WFDC1: variants seen among roughly 807,000 people sequenced by gnomAD.
WFDC1 encodes the protein WAP four-disulfide core domain protein 1.
A neutral mutation model predicts 32.9 loss-of-function variants in WFDC1; 39 were observed. The ratio of observed to expected loss-of-function variants is 1.19; its 90% CI spans 0.92 to 1.55. The LOEUF (loss-of-function observed/expected upper bound fraction) is 1.55. Ranked by LOEUF, WFDC1 falls within the 40% of genes most tolerant of loss-of-function variation. WFDC1 has a pLI of 0.00. For missense variants in WFDC1, 386 were observed against 309.5 expected (o/e 1.25, Z -1.85); for synonymous variants, 184 against 137.4 (o/e 1.34, Z -2.37).
intron 1 of WFDC1, among the ~76,000 whole-genome samples, chr16:84,309,052 G>C (rs960813778): frequency 6.6e-6 from 1 of 152,212 alleles, no homozygotes; most frequent in African/African-American, 2.4e-5. Context: ...TTAAGCCCTA[G>C]AGCCGGGATT....
Position 84,300,406 on chromosome 16 carries a change from G to A in WFDC1, c.144+5291G>A, listed in dbSNP as rs78021155. 1.1e-3 allele frequency among the ~76,000 whole-genome samples: 161 copies of A among 152,350 alleles called. 3 individuals carry two copies. The East Asian group carries it at 0.028, about 26-fold the overall frequency. On this transcript the variant is annotated intron_variant, in intron 1 of 6. Transcript: ENST00000219454. ...ACCTGCTCATTAACACTCCCTGAAG[G>A]GCGCCTTCCCTTTCCTGCCCAGCTT...
intron 1 of WFDC1, among the ~76,000 whole-genome samples, chr16:84,302,827 C>T (rs1029287552): frequency 7.2e-5 from 11 of 152,112 alleles, no homozygotes; most frequent in Non-Finnish European, 1.3e-4. Context: ...TCCCCATTTC[C>T]AGCCCAGCGC....
At chr16:84,305,517 C>T (rs190424444) in intron 1 of WFDC1, among the ~76,000 whole-genome samples, 4 of 152,344 alleles carry the variant, frequency 2.6e-5, no homozygotes, top group African/African-American at 7.2e-5. Context: ...TATCTGCAGC[C>T]TCAGCTGGAC....
intron 4 of WFDC1, 127 bp from the exon 5 acceptor site, chr16:84,324,292 C>T (rs1908461810): frequency 2.5e-6 from 2 of 805,826 alleles, no homozygotes; most frequent in Admixed American, 4.9e-5. Context: ...AGCCTCTGAA[C>T]AATTCCATTG....
At chr16:84,326,193 C>T (rs1008377221) in intron 5 of WFDC1, 1 of 146,966 alleles carries the variant, frequency 6.8e-6, no homozygotes. Flanking sequence ...ATCCATCCAT[C>T]ATTTATCCAT....
Position 84,306,257 on chromosome 16 carries a change from C to T in WFDC1, c.145-6704C>T, listed in dbSNP as rs374738288. Among the ~76,000 whole-genome samples, 10 of 152,160 alleles carry T rather than the reference C, an allele frequency of 6.6e-5. No homozygotes were observed. In the East Asian group the frequency reaches 1.5e-3, roughly 23 times the overall value. ...CAAACCCAGACGCGTCAGACTCCTACACCTGAGCCCTTAATCCCTGTGCAA... is the reference window on the plus strand; with the variant it reads ...CAAACCCAGACGCGTCAGACTCCTATACCTGAGCCCTTAATCCCTGTGCAA... On this transcript the variant is annotated intron_variant, in intron 1 of 6. Coordinates refer to ENST00000219454, the MANE Select transcript of WFDC1 (RefSeq NM_021197.4).
At chr16:84,296,133 G>A (rs1054959821) in intron 1 of WFDC1, among the ~76,000 whole-genome samples, 4 of 152,272 alleles carry the variant, frequency 2.6e-5, no homozygotes, top group African/African-American at 4.8e-5. Context: ...GAGCCAGGAC[G>A]ATATCAGCAC....
chr16:84,329,619 T>C lies in WFDC1; in HGVS notation c.*313T>C, dbSNP rs1908805938. 1 of 152,168 alleles carries C rather than the reference T, an allele frequency of 6.6e-6. No individual in the cohort carries two copies. The highest frequency in any genetic ancestry group is 1.5e-5 in the Non-Finnish European group (1 of 68,034). The allele number at this position is 152,168 out of a possible 1,614,324, so 9.4% of individuals were successfully genotyped here. ...TGAAAGCATTTCTGAAGCCCCTTTC[T>C]AAGACAAGGCTCAGCATCTTGATAT... On this transcript the variant is annotated 3_prime_UTR_variant, in exon 7 of 7. Coordinates refer to ENST00000219454, the MANE Select transcript of WFDC1 (RefSeq NM_021197.4).
chr16:84,317,346 A>G (rs977782225), intron 2 of WFDC1: 2 of 149,408 alleles, frequency 1.3e-5, no homozygotes, highest in Non-Finnish European at 3.0e-5. Flanking sequence ...ATAAGAAGTA[A>G]ATAAATAAAT....
At chr16:84,298,616 T>C (rs548956728) in intron 1 of WFDC1, among the ~76,000 whole-genome samples, 1 of 152,324 alleles carries the variant, frequency 6.6e-6, no homozygotes, top group East Asian at 1.9e-4. Flanking sequence ...CAGGGCTACA[T>C]GAGGAGAGCT....
chr16:84,305,559 G>T (rs1376349841), intron 1 of WFDC1, among the ~76,000 whole-genome samples: 1 of 152,186 alleles, frequency 6.6e-6, no homozygotes, highest in African/African-American at 2.4e-5. Context: ...TGCATCTGCT[G>T]AGCATCTAAC....
At position 84,326,915 on chromosome 16, in the gene WFDC1, G is replaced by T. The variant is rs903879998; in HGVS notation, c.638G>T (p.Arg213Met). ...GDSKNVAEPG[R>M]GQQKHFQ ...TCAAAGAATGTGGCAGAACCTGGAA[G>T]GGGACAACAGAAGCACTTTCAGTAA... Residue 213 changes from arginine (R) to methionine (M), a missense_variant, in exon 6 of 7, where the codon AGG becomes ATG. Coordinates refer to ENST00000219454, the MANE Select transcript of WFDC1 (RefSeq NM_021197.4). 1.9e-6 allele frequency: 3 copies of T among 1,613,992 alleles called. No individual in the cohort carries two copies. The African/African-American group carries it at 4.0e-5, about 22-fold the overall frequency.
chr16:84,325,876 A>G (rs954148758), intron 5 of WFDC1: 9 of 151,184 alleles, frequency 6.0e-5, no homozygotes, highest in African/African-American at 2.0e-4. Context: ...CCATCTGCCC[A>G]TTCATCCATT....
chr16:84,320,398 T>C (rs1246040038), intron 4 of WFDC1, among the ~76,000 whole-genome samples: 1 of 152,236 alleles, frequency 6.6e-6, no homozygotes, highest in East Asian at 1.9e-4. Flanking sequence ...ATTAGAATTG[T>C]CTGAGAATCC....
intron 2 of WFDC1, among the ~76,000 whole-genome samples, chr16:84,315,566 C>T (rs1907899096): frequency 6.6e-6 from 1 of 152,198 alleles, no homozygotes; most frequent in Non-Finnish European, 1.5e-5. Context: ...CCAGATTTCA[C>T]AATCTTGGCA....
chr16:84,309,305 C>T (rs1038455070), intron 1 of WFDC1, among the ~76,000 whole-genome samples: 1 of 152,018 alleles, frequency 6.6e-6, no homozygotes, highest in Admixed American at 6.6e-5. Flanking sequence ...GCGCAGGGCT[C>T]GGAGGTCGAG....
intron 1 of WFDC1, among the ~76,000 whole-genome samples, chr16:84,304,789 G>T (rs1455768305): frequency 2.6e-5 from 4 of 152,212 alleles, no homozygotes; most frequent in African/African-American, 9.7e-5. Flanking sequence ...AGCTGGGAGG[G>T]AAGGGCTGCA....
chr16:84,300,689 G>A (rs563880128), intron 1 of WFDC1, among the ~76,000 whole-genome samples: 19 of 152,342 alleles, frequency 1.2e-4, no homozygotes, highest in African/African-American at 3.8e-4. Flanking sequence ...AGGAGAAGGG[G>A]CCAGGCATGG....
At chr16:84,297,259 T>C (rs1906651354) in intron 1 of WFDC1, among the ~76,000 whole-genome samples, 1 of 152,104 alleles carries the variant, frequency 6.6e-6, no homozygotes, top group Non-Finnish European at 1.5e-5. Context: ...ATTGAAACTT[T>C]CCCTGGTTAT....
Sources: allele counts gnomAD v4.1 joint callset (sites outside exome capture counted in the v4.1 genomes callset), GRCh38; gene constraint gnomAD v4.1.1; transcripts MANE v1.5; gene names NCBI Gene and HGNC (gene_info 2026-07-23, HGNC 2026-07-21).